Variants in GRM4 observed in about 807,000 individuals in gnomAD.
The protein encoded by GRM4 is glutamate metabotropic receptor 4.
In GRM4, 28 loss-of-function variants were observed where a neutral mutation model predicts 81.7. That is an observed-to-expected ratio of 0.34 (90% CI 0.25 to 0.47). GRM4 has a LOEUF of 0.47. GRM4 is among the 20% of genes least tolerant of loss of function. GRM4 has a pLI of 1.00. For missense variants in GRM4, 948 were observed against 1,290.0 expected, an observed-to-expected ratio of 0.73 and a Z score of 4.06; for synonymous variants, 488 against 528.8, an observed-to-expected ratio of 0.92 and a Z score of 1.06.
intron 2 of GRM4, among the ~76,000 whole-genome samples, chr6:34,120,630 C>T (rs935196323): frequency 1.3e-5 from 2 of 152,184 alleles, no homozygotes; most frequent in African/African-American, 2.4e-5. Flanking sequence ...CAGGAAGACA[C>T]CTTTGTCAGG....
intron 8 of GRM4, among the ~76,000 whole-genome samples, chr6:34,038,495 C>T (rs1764827964): frequency 6.6e-6 from 1 of 152,230 alleles, no homozygotes; most frequent in South Asian, 2.1e-4. Flanking sequence ...AATAACTACA[C>T]AGGCAAGAAG....
Position 34,092,128 on chromosome 6 carries a change from G to C in GRM4, c.520-29C>G. The C allele has an allele frequency of 6.7e-7, 1 of 1,491,706 alleles. No homozygotes were observed. The highest frequency in any genetic ancestry group is 9.3e-7 in the Non-Finnish European group (1 of 1,080,202). The allele number at this position is 1,491,706 out of a possible 1,614,324, so 92.4% of individuals were successfully genotyped here. ...AGGGGCGAGAGGGGCTGCTGAGGGTGGCGACTGGCTCCCCACCCTGCCTAG... is the reference window on the plus strand; with the variant it reads ...AGGGGCGAGAGGGGCTGCTGAGGGTCGCGACTGGCTCCCCACCCTGCCTAG... On this transcript the variant is annotated intron_variant, in intron 2 of 10. Coordinates refer to ENST00000538487, the MANE Select transcript of GRM4 (RefSeq NM_000841.4). The surrounding 1 kb of genome is among the most constrained non-coding windows in gnomAD (Gnocchi z 6.8).
intron 3 of GRM4, among the ~76,000 whole-genome samples, chr6:34,065,517 T>C (rs1277270379): frequency 2.0e-5 from 3 of 152,120 alleles, no homozygotes; most frequent in African/African-American, 7.2e-5. Context: ...CACAGGACCA[T>C]ACGGGGAGGG....
chr6:34,045,070 A>G (rs896559155), intron 6 of GRM4, among the ~76,000 whole-genome samples: 1 of 152,134 alleles, frequency 6.6e-6, no homozygotes, highest in African/African-American at 2.4e-5. Context: ...CTGACCTCAG[A>G]TGCCTCAGGC....
At chr6:34,028,020 C>G in intron 10 of GRM4, 100 bp downstream of exon 10, 2 of 1,316,056 alleles carry the variant, frequency 1.5e-6, no homozygotes, top group Non-Finnish European at 2.0e-6. Flanking sequence ...GATGGGGCAT[C>G]GGGGCAGGGC....
At position 34,044,671 on chromosome 6, in the gene GRM4, GACAC is replaced by G. The variant is rs555808028; in HGVS notation, c.1169-3927_1169-3924del. Among the ~76,000 whole-genome samples, 599 of 72,448 alleles carry G rather than the reference GACAC, an allele frequency of 8.3e-3. 6 individuals carry two copies. Among genetic ancestry groups the G allele is most frequent in the South Asian group, 0.028 (64 of 2,292 alleles). 47.5% of individuals were successfully genotyped at this position (72,448 alleles called of 152,430 possible). A position where few individuals can be genotyped will look rare whatever the true frequency, so the allele number is the denominator to read the frequency against. Reference sequence around the variant, plus strand: ...ATACATACATACACATATATACACAGACACACACACACAGACATACATACACATA... The same window carrying G: ...ATACATACATACACATATATACACAGACACACACAGACATACATACACATA... On this transcript the variant is annotated intron_variant, in intron 6 of 10. Coordinates refer to ENST00000538487, the MANE Select transcript of GRM4 (RefSeq NM_000841.4).
chr6:34,061,840 T>C, intron 4 of GRM4, 53 bp downstream of exon 4: 1 of 1,571,982 alleles, frequency 6.4e-7, no homozygotes, highest in Non-Finnish European at 8.7e-7. Flanking sequence ...ACCCGTGGCT[T>C]TGCCCACACC....
rs1489243240 is a variant in GRM4 at position 34,152,386 on chromosome 6, T to C, written c.312+2693A>G. Among the ~76,000 whole-genome samples the C allele has an allele frequency of 6.6e-6, 1 of 152,164 alleles. No individual in the cohort carries two copies. The highest frequency in any genetic ancestry group is 2.4e-5 in the African/African-American group (1 of 41,426). ...CCATCAAGGCAGAGGAGAAGGGGTA[T>C]TGTGGTCTGGTCCTGGGGCTGAGGT... On this transcript the variant is annotated intron_variant, in intron 1 of 8. Coordinates refer to the GRM4 transcript ENST00000374177. This position sits in a 1 kb window ranked among gnomAD's most constrained non-coding sequence, Gnocchi z 4.1.
rs1286053268 is a variant in GRM4, at chr6:34,152,869, G to A, written c.312+2210C>T. On this transcript the variant is annotated intron_variant, in intron 1 of 8. Transcript: ENST00000374177. This position sits in a 1 kb window ranked among gnomAD's most constrained non-coding sequence, Gnocchi z 4.1. ...AAGGTGGGAGGGTGGCTGGGGATGG[G>A]AAGGTGGGGCATCTCAGGAGGGCCA... 6.8e-6 allele frequency among the ~76,000 whole-genome samples: 1 copy of A among 148,008 alleles called. No homozygotes were observed. Among genetic ancestry groups the A allele is most frequent in the Non-Finnish European group, 1.5e-5 (1 of 66,866 alleles).
rs946806727 is a variant in GRM4, at chr6:34,034,337, C to T, written c.2442+1331G>A. Among the ~76,000 whole-genome samples the T allele has an allele frequency of 2.0e-5, 3 of 152,188 alleles. No homozygotes were observed. The highest frequency in any genetic ancestry group is 7.2e-5 in the African/African-American group (3 of 41,436). On this transcript the variant is annotated intron_variant, in intron 9 of 10. Transcript: ENST00000538487. The surrounding 1 kb of genome is among the most constrained non-coding windows in gnomAD (Gnocchi z 4.0). ...GACTGTCTCCTCGTCTCCCACCCAACGTGCCATCCATTGGAAACCTGACCA... is the reference window on the plus strand; with the variant it reads ...GACTGTCTCCTCGTCTCCCACCCAATGTGCCATCCATTGGAAACCTGACCA...
intron 9 of GRM4, among the ~76,000 whole-genome samples, chr6:34,029,103 T>TGGGATTCCCCTCCC (rs1764283686): frequency 6.6e-6 from 1 of 152,226 alleles, no homozygotes; most frequent in Non-Finnish European, 1.5e-5. Context: ...TGTCCCCGTC[T>TGGGATTCCCCTCCC]GGGATTCCCC....
intron 2 of GRM4, among the ~76,000 whole-genome samples, chr6:34,107,111 G>A (rs942012389): frequency 1.3e-5 from 2 of 152,192 alleles, no homozygotes; most frequent in African/African-American, 4.8e-5. Context: ...GGCTGCAGGG[G>A]GTATCTCCGA....
At chr6:34,122,445 T>C (rs1769849698) in intron 2 of GRM4, among the ~76,000 whole-genome samples, 1 of 151,942 alleles carries the variant, frequency 6.6e-6, no homozygotes, top group Non-Finnish European at 1.5e-5. Flanking sequence ...CGGCCCTGCC[T>C]CTCCTCACTG....
rs944155085 is a variant in GRM4 at position 34,146,005 on chromosome 6, G to A, written c.-369C>T. The A allele has an allele frequency of 2.5e-5, 25 of 985,082 alleles. No homozygotes were observed. The highest frequency in any genetic ancestry group is 1.0e-3 in the Middle Eastern group (2 of 1,936). The allele number at this position is 985,082 out of a possible 1,614,324, so 61.0% of individuals were successfully genotyped here. On this transcript the variant is annotated 5_prime_UTR_variant, in exon 1 of 11. Transcript: ENST00000538487. ...GCGCGTGCCAGCTCACCTACCCCGA[G>A]GACATGGCGGGGACCCCTTCTCACC...
At chr6:34,103,694 C>T in intron 2 of GRM4, 1 of 1,528,530 alleles carries the variant, frequency 6.5e-7, no homozygotes, top group African/African-American at 1.4e-5. Context: ...CCAAGGGGCA[C>T]AGCCATGCCC....
chr6:34,052,122 AGG>A (rs1765642152), intron 6 of GRM4, among the ~76,000 whole-genome samples: 1 of 152,188 alleles, frequency 6.6e-6, no homozygotes, highest in African/African-American at 2.4e-5. Flanking sequence ...GGCACTTGGC[AGG>A]CTGGAGGTGC....
chr6:34,044,751 T>TAGACAGACAC (rs1765262222), intron 6 of GRM4, among the ~76,000 whole-genome samples: 1 of 132,558 alleles, frequency 7.5e-6, no homozygotes, highest in Non-Finnish European at 1.6e-5. Flanking sequence ...TACACATATA[T>TAGACAGACAC]ACACATACAC....
At chr6:34,031,996 CA>C in intron 9 of GRM4, among the ~76,000 whole-genome samples, 1 of 152,120 alleles carries the variant, frequency 6.6e-6, no homozygotes, top group African/African-American at 2.4e-5. Context: ...CACACACACA[CA>C]CACCTCTTCA....
intron 2 of GRM4, chr6:34,110,893 G>A: frequency 2.3e-6 from 3 of 1,292,822 alleles, no homozygotes; most frequent in Non-Finnish European, 2.9e-6. Context: ...TCCCCCCAGG[G>A]CAGGCTGGGA....
Sources: gnomAD v4.1 joint callset for allele counts (sites outside exome capture counted in the v4.1 genomes callset) on GRCh38, gnomAD v4.1.1 for gene constraint, Gnocchi (gnomAD v3.1) non-coding constraint, MANE v1.5 for transcripts, NCBI Gene and HGNC (gene_info 2026-07-23, HGNC 2026-07-21) for gene names.